SSMEM1: variants seen among roughly 807,000 people sequenced by gnomAD.
The protein encoded by SSMEM1 is serine rich single-pass membrane protein 1.
In SSMEM1, 12 loss-of-function variants were observed where a neutral mutation model predicts 9.9. That is an observed-to-expected ratio of 1.21 (90% CI 0.78 to 1.96). The LOEUF (loss-of-function observed/expected upper bound fraction) is 1.96. SSMEM1 is among the 30% of genes most tolerant of loss of function. The pLI is 0.00. For missense variants in SSMEM1, 259 were observed against 292.2 expected (o/e 0.89, Z 0.83); for synonymous variants, 96 against 98.9 (o/e 0.97, Z 0.17).
chr7:130,213,228 A>C (rs1480142905), intron 1 of SSMEM1, among the ~76,000 whole-genome samples: 1 of 151,994 alleles, frequency 6.6e-6, no homozygotes, highest in Non-Finnish European at 1.5e-5. Flanking sequence ...GGCACCTGTA[A>C]TCCCAGCTAC....
At chr7:130,207,728 A>T, upstream of SSMEM1, 1 of 718,534 alleles carries the variant, frequency 1.4e-6, no homozygotes, top group Non-Finnish European at 2.5e-6. Context: ...CAGAGGAGTA[A>T]TTTGAATAAC....
Position 130,208,026 on chromosome 7 carries a change from G to A in SSMEM1, c.116G>A (p.Gly39Glu). 1 of 1,614,000 alleles carries A rather than the reference G, an allele frequency of 6.2e-7. No homozygotes were observed. The highest frequency in any genetic ancestry group is 8.5e-7 in the Non-Finnish European group (1 of 1,179,976). The change falls in exon 1 of 3, where the codon GGG (glycine) becomes GAG (glutamate). Residue 39 changes from glycine to glutamate, a missense_variant. Transcript: ENST00000297819. The stretch of plus-strand genomic sequence containing the variant: ...AAGGATGACTCTTGTGGAACCATAG[G>A]GAGCTTCCTGCTTTGGTATTTTGTT... The part of the protein sequence containing the change: ...CWKDDSCGTI[G>E]SFLLWYFVIV...
At position 130,208,591 on chromosome 7, in the gene SSMEM1, A is replaced by G. The variant is rs188190328; in HGVS notation, c.183+498A>G. Among the ~76,000 whole-genome samples, 553 of 152,336 alleles carry G rather than the reference A, an allele frequency of 3.6e-3. 5 individuals carry two copies. Among genetic ancestry groups the G allele is most frequent in the African/African-American group, 0.013 (520 of 41,582 alleles). On this transcript the variant is annotated intron_variant, in intron 1 of 2. Coordinates refer to ENST00000297819, the MANE Select transcript of SSMEM1 (RefSeq NM_145268.4). ...TTTACAGTTTATCCATCTGCTATGT[A>G]ATGCTGGCATAAACCTCCCTGCTGG...
intron 2 of SSMEM1, among the ~76,000 whole-genome samples, chr7:130,214,491 C>T (rs1296887184): frequency 6.6e-6 from 1 of 152,010 alleles, no homozygotes; most frequent in African/African-American, 2.4e-5. Context: ...TACAATACTC[C>T]TTATGGCCAA....
In SSMEM1 at chr7:130,216,267, A is replaced by C. The variant is rs755089361; in HGVS notation, c.532A>C (p.Arg178=). Residue 178 remains arginine, a synonymous_variant, in exon 3 of 3, where the codon AGG becomes CGG. Transcript: ENST00000297819. ...CCACCCATCACCAGACAGTATTAAGAGGAGAAAAATGGCTCAGAGGCAAAG... is the reference window on the plus strand; with the variant it reads ...CCACCCATCACCAGACAGTATTAAGCGGAGAAAAATGGCTCAGAGGCAAAG... ...EHHPSPDSIK[R]RKMAQRQRNL... 6.2e-7 allele frequency: 1 copy of C among 1,614,188 alleles called. No individual in the cohort carries two copies. Among genetic ancestry groups the C allele is most frequent in the South Asian group, 1.1e-5 (1 of 91,086 alleles).
upstream of SSMEM1, chr7:130,207,664 AAATT>A (rs769509647): frequency 1.7e-6 from 1 of 580,786 alleles, no homozygotes; most frequent in Non-Finnish European, 3.1e-6. Context: ...TTAGGAAAAA[AAATT>A]AAGGCAGAAT....
chr7:130,207,667 T>A (rs1798512242), upstream of SSMEM1: 2 of 587,590 alleles, frequency 3.4e-6, no homozygotes, highest in South Asian at 1.7e-5. Flanking sequence ...GGAAAAAAAA[T>A]TAAGGCAGAA....
At chr7:130,206,954 C>A, upstream of SSMEM1, 1 of 188,256 alleles carries the variant, frequency 5.3e-6, no homozygotes, top group Non-Finnish European at 1.1e-5. Context: ...CCACTGCATT[C>A]CAGTCTGGGC....
At position 130,216,028 on chromosome 7, in the gene SSMEM1, CACAA is replaced by C; in HGVS notation, c.298_301del (p.Thr100Ter). ...AGCAAAGACAGTGCCTGGGATCCCTCACAAACAATGAAGAAACCAAAGCAGAACC... is the reference window on the plus strand; with the variant it reads ...AGCAAAGACAGTGCCTGGGATCCCTCACAATGAAGAAACCAAAGCAGAACC... On this transcript the variant is annotated frameshift_variant, in exon 3 of 3. Transcript: ENST00000297819. LOFTEE classifies it low-confidence loss of function (END_TRUNC). 1 of 1,614,186 alleles carries C rather than the reference CACAA, an allele frequency of 6.2e-7. No homozygotes were observed. Among genetic ancestry groups the C allele is most frequent in the Non-Finnish European group, 8.5e-7 (1 of 1,180,038 alleles).
At chr7:130,207,775 G>A, upstream of SSMEM1, 1 of 903,498 alleles carries the variant, frequency 1.1e-6, no homozygotes, top group Non-Finnish European at 1.8e-6. Flanking sequence ...GCATTTGTCA[G>A]TTCCTAGAAC....
upstream of SSMEM1, chr7:130,205,554 G>A: frequency 1.0e-6 from 1 of 962,712 alleles, no homozygotes; most frequent in Admixed American, 2.1e-5. Flanking sequence ...AGGGAAACAG[G>A]TCTCGGTTTT....
chr7:130,208,864 TC>T (rs1003844373), intron 1 of SSMEM1, among the ~76,000 whole-genome samples: 3 of 151,752 alleles, frequency 2.0e-5, no homozygotes, highest in African/African-American at 7.3e-5. Context: ...GTAACCAAGC[TC>T]TTTTTTTTTT....
chr7:130,206,294 AT>A (rs34714729), upstream of SSMEM1, among the ~76,000 whole-genome samples: 8,546 of 151,806 alleles, frequency 0.056, 284 homozygotes, highest in South Asian at 0.13. Flanking sequence ...GGTGAGGTGG[AT>A]GCAGTGCTCC....
At chr7:130,206,276 C>T (rs981635335), upstream of SSMEM1, among the ~76,000 whole-genome samples, 1 of 151,676 alleles carries the variant, frequency 6.6e-6, no homozygotes, top group African/African-American at 2.4e-5. Flanking sequence ...AGATGCATTT[C>T]GGTGGCAGGT....
chr7:130,213,978 C>T (rs1798655519), intron 2 of SSMEM1, among the ~76,000 whole-genome samples: 1 of 152,202 alleles, frequency 6.6e-6, no homozygotes. Context: ...TCTCCCTTCA[C>T]ATTGCTTGCC....
At chr7:130,209,295 C>G (rs778955109) in intron 1 of SSMEM1, among the ~76,000 whole-genome samples, 11 of 152,202 alleles carry the variant, frequency 7.2e-5, no homozygotes, top group Non-Finnish European at 1.5e-4. Flanking sequence ...ACTTAATGCT[C>G]TATGAGCTCG....
At chr7:130,213,116 G>GCC (rs1798622975) in intron 1 of SSMEM1, among the ~76,000 whole-genome samples, 1 of 152,192 alleles carries the variant, frequency 6.6e-6, no homozygotes, top group Non-Finnish European at 1.5e-5. Flanking sequence ...CGGAGGCCAA[G>GCC]GTGGGCAGAT....
At chr7:130,208,473 A>G (rs1445036049) in intron 1 of SSMEM1, among the ~76,000 whole-genome samples, 1 of 152,204 alleles carries the variant, frequency 6.6e-6, no homozygotes, top group East Asian at 1.9e-4. Flanking sequence ...ACTTCTTTAA[A>G]TTATATTCAC....
upstream of SSMEM1, among the ~76,000 whole-genome samples, chr7:130,206,259 GGCCCACAGAT>G (rs1335241710): frequency 1.3e-5 from 2 of 152,122 alleles, no homozygotes; most frequent in Non-Finnish European, 2.9e-5. Flanking sequence ...CCCCAGCGGA[GGCCCACAGAT>G]GCATTTCGGT....
Sources: allele counts gnomAD v4.1 joint callset (sites outside exome capture counted in the v4.1 genomes callset), GRCh38; gene constraint gnomAD v4.1.1; transcripts MANE v1.5; gene names NCBI Gene and HGNC (gene_info 2026-07-23, HGNC 2026-07-21).